The following TRPC4 variants were observed in gnomAD, a reference collection of about 807,000 sequenced individuals.
The protein encoded by TRPC4 is short transient receptor potential channel 4.
In TRPC4, 49 loss-of-function variants were observed where a neutral mutation model predicts 99.4. The observed-to-expected ratio is 0.49, with a 90% CI of 0.39 to 0.63. The LOEUF (loss-of-function observed/expected upper bound fraction) is 0.63, where lower values mean the gene tolerates loss of function less well. Ranked by LOEUF, TRPC4 falls within the 20% of genes least tolerant of loss-of-function variation. TRPC4 has a pLI of 0.00. For synonymous variants in TRPC4, 454 were observed against 425.9 expected, an observed-to-expected ratio of 1.07 and a Z score of -0.81; for missense variants, 898 against 1,152.9, an observed-to-expected ratio of 0.78 and a Z score of 3.20.
intron 1 of TRPC4, among the ~76,000 whole-genome samples, chr13:37,843,681 GACACACAC>G (rs5802907): frequency 1.6e-4 from 21 of 134,044 alleles, no homozygotes; most frequent in African/African-American, 5.8e-4. Context: ...GATGTTTGGT[GACACACAC>G]ACACACACAC....
At chr13:37,638,469 C>A (rs982618814) in intron 10 of TRPC4, among the ~76,000 whole-genome samples, 2 of 151,920 alleles carry the variant, frequency 1.3e-5, no homozygotes, top group African/African-American at 2.4e-5. Context: ...TTTGTTTTGG[C>A]CTGTAAGATC....
rs1955780325 is a variant in TRPC4, at chr13:37,746,406, A to G, written c.428T>C (p.Ile143Thr). 6.2e-7 allele frequency: 1 copy of G among 1,613,482 alleles called. No homozygotes were observed. The highest frequency in any genetic ancestry group is 8.5e-7 in the Non-Finnish European group (1 of 1,179,712). ...DKQFSEFTPD[I>T]TPIILAAHTN... is the part of the protein sequence containing the mutation. ...ATGGGCTGCCAAAATGATTGGTGTA[A>G]TGTCTGGAGTGAATTCAGAGAACTG... The change falls in exon 3 of 11, where the codon ATT (isoleucine) becomes ACT (threonine). Residue 143 changes from isoleucine (I) to threonine (T), a missense_variant. Physicochemically the swap from Ile to Thr is moderately conservative, Grantham distance 89 (BLOSUM62 -1). Transcript: ENST00000379705.
At chr13:37,837,376 G>C (rs1958594917) in intron 1 of TRPC4, among the ~76,000 whole-genome samples, 5 of 152,246 alleles carry the variant, frequency 3.3e-5, no homozygotes, top group African/African-American at 1.2e-4. Context: ...CTCAATGCCA[G>C]CCCATGAAAG....
At chr13:37,744,460 A>G (rs1215107669) in intron 3 of TRPC4, among the ~76,000 whole-genome samples, 1 of 152,170 alleles carries the variant, frequency 6.6e-6, no homozygotes, top group African/African-American at 2.4e-5. Context: ...AGTTAGAGGG[A>G]ATGGACACAA....
At chr13:37,731,639 T>C (rs1955242548) in intron 3 of TRPC4, among the ~76,000 whole-genome samples, 1 of 152,130 alleles carries the variant, frequency 6.6e-6, no homozygotes, top group Non-Finnish European at 1.5e-5. Context: ...TTTGGAAATA[T>C]TTGTTGGACC....
chr13:37,863,325 G>T (rs1006872814), intron 1 of TRPC4, among the ~76,000 whole-genome samples: 1 of 151,394 alleles, frequency 6.6e-6, no homozygotes, highest in African/African-American at 2.4e-5. Context: ...CAAATACTGT[G>T]GTCCTTTATG....
At chr13:37,816,500 G>A (rs985479796) in intron 1 of TRPC4, among the ~76,000 whole-genome samples, 1 of 151,746 alleles carries the variant, frequency 6.6e-6, no homozygotes, top group Non-Finnish European at 1.5e-5. Flanking sequence ...AATATTTGAG[G>A]AGAAAAGACT....
At chr13:37,799,151 G>C (rs549378451) in intron 1 of TRPC4, among the ~76,000 whole-genome samples, 1 of 152,054 alleles carries the variant, frequency 6.6e-6, no homozygotes, top group East Asian at 1.9e-4. Context: ...AGCCAGGTTG[G>C]TCTCGATCTC....
At chr13:37,814,315 G>A (rs1957783696) in intron 1 of TRPC4, among the ~76,000 whole-genome samples, 2 of 149,650 alleles carry the variant, frequency 1.3e-5, no homozygotes, top group East Asian at 2.0e-4. Context: ...TATACTAGAG[G>A]TTTTGACCAG....
chr13:37,703,144 G>A (rs1480408343), intron 3 of TRPC4, among the ~76,000 whole-genome samples: 1 of 152,080 alleles, frequency 6.6e-6, no homozygotes, highest in East Asian at 1.9e-4. Flanking sequence ...TCCAATATAA[G>A]AAAAAGTTTG....
At chr13:37,773,661 G>T (rs1593709827) in intron 2 of TRPC4, among the ~76,000 whole-genome samples, 2 of 151,772 alleles carry the variant, frequency 1.3e-5, no homozygotes, top group Admixed American at 1.3e-4. Flanking sequence ...TGACAATAAT[G>T]AAAGAACTTA....
rs750628104 is a variant in TRPC4 at position 37,760,326 on chromosome 13, C to T, written c.379-13871G>A. ...TTTTTAAATTGGTGTTTGCCTTTTC[C>T]CTCTCACCTATCCAGTTCTGCCACT... On this transcript the variant is annotated intron_variant, in intron 2 of 10. Transcript: ENST00000379705. 3.9e-5 allele frequency among the ~76,000 whole-genome samples: 6 copies of T among 151,934 alleles called. 1 individual carries two copies. Among genetic ancestry groups the T allele is most frequent in the Non-Finnish European group, 7.4e-5 (5 of 67,942 alleles).
At chr13:37,766,694 T>A (rs1428739314) in intron 2 of TRPC4, among the ~76,000 whole-genome samples, 1 of 151,360 alleles carries the variant, frequency 6.6e-6, no homozygotes, top group East Asian at 2.0e-4. Flanking sequence ...GGGTCTTTTA[T>A]TTCAAAAGGA....
intron 2 of TRPC4, among the ~76,000 whole-genome samples, chr13:37,775,407 T>G (rs924503321): frequency 4.4e-5 from 2 of 45,636 alleles, no homozygotes; most frequent in Non-Finnish European, 1.0e-4. Context: ...TATTTATTTG[T>G]TTTTTTTTAA....
chr13:37,637,176 T>C lies in TRPC4; in HGVS notation c.2661A>G (p.Glu887=), dbSNP rs75661457. 29,991 of 1,613,852 alleles carry C rather than the reference T, an allele frequency of 0.019. 322 individuals carry two copies. The highest frequency in any genetic ancestry group is 0.022 in the Non-Finnish European group (25,752 of 1,179,862). Residue 887 remains glutamate (E), a synonymous_variant, in exon 11 of 11, where the codon GAA becomes GAG. Coordinates refer to ENST00000379705, the MANE Select transcript of TRPC4 (RefSeq NM_016179.4). ...CACCCCGTGAAGCTAATCCTCGAGATTCCAGTTGAATATTTCTCTCAAGTG... is the reference window on the plus strand; with the variant it reads ...CACCCCGTGAAGCTAATCCTCGAGACTCCAGTTGAATATTTCTCTCAAGTG... The part of the protein sequence containing the change: ...AGPLERNIQL[E]SRGLASRGDL...
chr13:37,742,490 A>G (rs1164136158), intron 3 of TRPC4, among the ~76,000 whole-genome samples: 1 of 152,134 alleles, frequency 6.6e-6, no homozygotes, highest in African/African-American at 2.4e-5. Flanking sequence ...CACTGCCTAG[A>G]GGAGGAGATG....
At chr13:37,765,570 TACC>T (rs909482269) in intron 2 of TRPC4, among the ~76,000 whole-genome samples, 1 of 151,438 alleles carries the variant, frequency 6.6e-6, no homozygotes, top group African/African-American at 2.4e-5. Context: ...TTTAGCTAGT[TACC>T]ACCTAGAATT....
chr13:37,861,959 G>A (rs1412220950), intron 1 of TRPC4, among the ~76,000 whole-genome samples: 1 of 151,074 alleles, frequency 6.6e-6, no homozygotes, highest in Non-Finnish European at 1.5e-5. Flanking sequence ...TCCAATAATG[G>A]TTTTTTTTAA....
At chr13:37,695,990 C>A (rs956970505) in intron 3 of TRPC4, among the ~76,000 whole-genome samples, 7 of 152,134 alleles carry the variant, frequency 4.6e-5, no homozygotes, top group African/African-American at 1.7e-4. Context: ...TTGTATTAGT[C>A]AGTTTTTATA....
Sources: allele counts gnomAD v4.1 joint callset (sites outside exome capture counted in the v4.1 genomes callset), GRCh38; gene constraint gnomAD v4.1.1; transcripts MANE v1.5; gene names NCBI Gene and HGNC (gene_info 2026-07-23, HGNC 2026-07-21).